WDR27: variants seen among roughly 807,000 people sequenced by gnomAD.
WDR27 encodes the protein WD repeat domain 27, also known as WD repeat-containing protein 27.
In WDR27, 100 loss-of-function variants were observed where a neutral mutation model predicts 114.4. The observed-to-expected ratio is 0.87, with a 90% CI of 0.74 to 1.03. The LOEUF (loss-of-function observed/expected upper bound fraction) is 1.03, where lower values mean the gene tolerates loss of function less well. Among genes scored for constraint, WDR27 ranks in the 50% least tolerant of loss-of-function variants. The pLI is 0.00. For missense variants in WDR27, 1,129 were observed against 1,092.9 expected (o/e 1.03, Z -0.47); for synonymous variants, 449 against 423.1 (o/e 1.06, Z -0.75).
chr6:169,491,147 A>G (rs1411091470), intron 25 of WDR27, among the ~76,000 whole-genome samples: 2 of 152,238 alleles, frequency 1.3e-5, no homozygotes, highest in African/African-American at 4.8e-5. Flanking sequence ...CGGGCATTTA[A>G]GAGCTTCCTG....
chr6:169,594,774 C>T (rs1185659131), intron 23 of WDR27, among the ~76,000 whole-genome samples: 7 of 152,254 alleles, frequency 4.6e-5, no homozygotes, highest in African/African-American at 1.7e-4. Flanking sequence ...TTCTCTTTAT[C>T]CTTTCTGGAT....
chr6:169,583,469 G>GTC (rs1803875066), intron 23 of WDR27, among the ~76,000 whole-genome samples: 6 of 19,494 alleles, frequency 3.1e-4, no homozygotes, highest in African/African-American at 7.1e-4. Context: ...TTAATTGTGT[G>GTC]TGTGTGTGTG....
chr6:169,452,048 C>T, the WDR27 span, among the ~76,000 whole-genome samples: 56 of 152,276 alleles, frequency 3.7e-4, no homozygotes, highest in Middle Eastern at 6.8e-3. Flanking sequence ...TTAGCTATTC[C>T]AAAATGTTTT....
intron 13 of WDR27, among the ~76,000 whole-genome samples, chr6:169,657,534 C>T (rs937254719): frequency 3.3e-5 from 5 of 152,188 alleles, no homozygotes; most frequent in African/African-American, 1.2e-4. Flanking sequence ...TGAAAGGCGG[C>T]TGCGGAAATG....
At chr6:169,434,248 CTTGAG>C in the WDR27 span, among the ~76,000 whole-genome samples, 1 of 152,150 alleles carries the variant, frequency 6.6e-6, no homozygotes, top group Non-Finnish European at 1.5e-5. Context: ...CTTAATCCAT[CTTGAG>C]TTAATTTTGT....
At chr6:169,559,936 G>A (rs1799456479) in intron 25 of WDR27, 1 of 152,186 alleles carries the variant, frequency 6.6e-6, no homozygotes, top group Non-Finnish European at 1.5e-5. Flanking sequence ...ACCTGCGATA[G>A]GAAGGTAATG....
chr6:169,445,066 A>T, the WDR27 span, among the ~76,000 whole-genome samples: 461 of 152,300 alleles, frequency 3.0e-3, 1 homozygote, highest in African/African-American at 9.7e-3. Flanking sequence ...TATCAACTTC[A>T]AATACAAACA....
chr6:169,536,544 A>C (rs1796210472), intron 25 of WDR27, among the ~76,000 whole-genome samples: 1 of 152,192 alleles, frequency 6.6e-6, no homozygotes, highest in Non-Finnish European at 1.5e-5. Flanking sequence ...TAAATGAAAC[A>C]AAAAAACTAC....
downstream of WDR27, among the ~76,000 whole-genome samples, chr6:169,453,757 G>A (rs983474284): frequency 2.0e-5 from 3 of 152,110 alleles, no homozygotes; most frequent in Non-Finnish European, 4.4e-5. Flanking sequence ...GTCCAAATAC[G>A]TTACTGAATA....
intron 21 of WDR27, among the ~76,000 whole-genome samples, chr6:169,628,204 G>A (rs2128209717): frequency 6.6e-6 from 1 of 152,144 alleles, no homozygotes; most frequent in Non-Finnish European, 1.5e-5. Flanking sequence ...GATACAGCAG[G>A]AAGGCCCCGC....
intron 1 of WDR27, among the ~76,000 whole-genome samples, chr6:169,693,705 A>G (rs1785081177): frequency 6.6e-6 from 1 of 152,192 alleles, no homozygotes; most frequent in Admixed American, 6.5e-5. Context: ...GGACAAAACA[A>G]ATAGACTTGA....
chr6:169,680,356 G>A lies in WDR27; in HGVS notation c.190-7960C>T, dbSNP rs552709041. ...CAAGTACTTTGGGAGGCCGAGGCAG[G>A]TGTATCACGAGGTCAGGAGATCGAG... On this transcript the variant is annotated intron_variant, in intron 2 of 25. Coordinates refer to ENST00000448612, the MANE Select transcript of WDR27 (RefSeq NM_182552.5). 3.3e-5 allele frequency among the ~76,000 whole-genome samples: 5 copies of A among 152,346 alleles called. No homozygotes were observed. The East Asian group carries it at 9.6e-4, about 29-fold the overall frequency.
chr6:169,480,341 C>A (rs911892874), intron 25 of WDR27, among the ~76,000 whole-genome samples: 1 of 152,226 alleles, frequency 6.6e-6, no homozygotes, highest in South Asian at 2.1e-4. Context: ...CGTGAGCTCC[C>A]ACGTGGCCCG....
chr6:169,621,525 TAC>T (rs372232373), intron 21 of WDR27, among the ~76,000 whole-genome samples: 24 of 129,406 alleles, frequency 1.9e-4, no homozygotes, highest in Non-Finnish European at 3.3e-4. Context: ...CACATATACA[TAC>T]ACACACACGC....
intron 25 of WDR27, among the ~76,000 whole-genome samples, chr6:169,490,454 C>T (rs920191790): frequency 6.6e-6 from 1 of 152,204 alleles, no homozygotes; most frequent in Non-Finnish European, 1.5e-5. Context: ...AAGGAGTGCA[C>T]GTGCTGCTTC....
At chr6:169,576,458 T>G (rs1802350726) in intron 24 of WDR27, among the ~76,000 whole-genome samples, 1 of 152,188 alleles carries the variant, frequency 6.6e-6, no homozygotes, top group Non-Finnish European at 1.5e-5. Context: ...AAGATTACCA[T>G]AAAATAAATT....
At chr6:169,621,082 G>T (rs1442432384) in intron 21 of WDR27, among the ~76,000 whole-genome samples, 1 of 152,202 alleles carries the variant, frequency 6.6e-6, no homozygotes, top group Non-Finnish European at 1.5e-5. Flanking sequence ...CAAGTGCACA[G>T]CAGCAGCTAA....
intron 13 of WDR27, among the ~76,000 whole-genome samples, chr6:169,653,432 C>A (rs1338164123): frequency 1.3e-5 from 2 of 152,100 alleles, no homozygotes; most frequent in Non-Finnish European, 2.9e-5. Context: ...TTATACATAT[C>A]TTATAATGAA....
chr6:169,430,323 C>A, the WDR27 span, among the ~76,000 whole-genome samples: 2 of 152,206 alleles, frequency 1.3e-5, no homozygotes, highest in Non-Finnish European at 2.9e-5. Flanking sequence ...GTAGTAGGAG[C>A]TTGCAGCTAG....
Sources: allele counts gnomAD v4.1 joint callset (sites outside exome capture counted in the v4.1 genomes callset), GRCh38; gene constraint gnomAD v4.1.1; transcripts MANE v1.5; gene names NCBI Gene and HGNC (gene_info 2026-07-23, HGNC 2026-07-21).